CA2: variants seen among roughly 807,000 people sequenced by gnomAD.
CA2 encodes the protein carbonate dehydratase II.
Under a neutral mutation model 27.8 loss-of-function variants are expected in CA2, and 23 were observed. The observed-to-expected ratio is 0.83, with a 90% CI of 0.59 to 1.17. The LOEUF (loss-of-function observed/expected upper bound fraction) is 1.17. CA2 is among the 50% of genes most tolerant of loss of function. The pLI, the probability that CA2 is intolerant of heterozygous loss-of-function variation, is 0.00. For missense variants in CA2, 300 were observed against 314.7 expected, an observed-to-expected ratio of 0.95 and a Z score of 0.35; for synonymous variants, 99 against 114.9, an observed-to-expected ratio of 0.86 and a Z score of 0.88.
intron 3 of CA2, chr8:85,474,034 A>G: frequency 8.2e-6 from 5 of 607,192 alleles, no homozygotes; most frequent in Middle Eastern, 8.8e-4. Flanking sequence ...CAAAAAGTAA[A>G]CGGACTCAAA....
intron 3 of CA2, 103 bp downstream of exon 3, chr8:85,473,914 G>A: frequency 2.6e-6 from 2 of 778,338 alleles, no homozygotes; most frequent in Non-Finnish European, 4.6e-6. Flanking sequence ...CACGCCCAGT[G>A]AACCACTTCT....
chr8:85,470,325 T>A (rs1811695767), intron 2 of CA2, among the ~76,000 whole-genome samples: 1 of 152,184 alleles, frequency 6.6e-6, no homozygotes, highest in Non-Finnish European at 1.5e-5. Context: ...GATTTAAAAT[T>A]TTTCAGGTTA....
intron 6 of CA2, among the ~76,000 whole-genome samples, chr8:85,478,331 TA>T (rs1316046614): frequency 6.6e-6 from 1 of 152,212 alleles, no homozygotes; most frequent in Non-Finnish European, 1.5e-5. Flanking sequence ...AAAGTGGGCC[TA>T]AAAAATAGCA....
chr8:85,477,504 A>G (rs1462045673), intron 6 of CA2, among the ~76,000 whole-genome samples: 4 of 151,778 alleles, frequency 2.6e-5, no homozygotes, highest in African/African-American at 9.7e-5. Context: ...TAGTCATTGT[A>G]AGGATTCAAT....
rs369728882 is a variant in CA2, at chr8:85,475,129, A to G, written c.445-669A>G. 1.7e-4 allele frequency among the ~76,000 whole-genome samples: 26 copies of G among 152,250 alleles called. No individual in the cohort carries two copies. In the South Asian group the frequency reaches 3.3e-3, roughly 19 times the overall value. On this transcript the variant is annotated intron_variant, in intron 4 of 6. Coordinates refer to ENST00000285379, the MANE Select transcript of CA2 (RefSeq NM_000067.3). Reference sequence around the variant, plus strand: ...TCAAGACCAGCCTGGGCAACATAGCACAATTCCATCTCTACAAAATTTTTT... The same window carrying G: ...TCAAGACCAGCCTGGGCAACATAGCGCAATTCCATCTCTACAAAATTTTTT...
In CA2 at chr8:85,481,193, C is replaced by T. The variant is rs1389120087; in HGVS notation, c.*404C>T. 1.1e-5 allele frequency: 2 copies of T among 181,446 alleles called. No individual in the cohort carries two copies. The highest frequency in any genetic ancestry group is 2.4e-5 in the Non-Finnish European group (2 of 84,334). The allele number at this position is 181,446 out of a possible 1,614,324, so 11.2% of individuals were successfully genotyped here. On this transcript the variant is annotated 3_prime_UTR_variant, in exon 7 of 7. Transcript: ENST00000285379. ...ATAAATTGAGCTAGTTAAGGCAAATCAGGTAAAATAGTCATGATTCTATGT... is the reference window on the plus strand; with the variant it reads ...ATAAATTGAGCTAGTTAAGGCAAATTAGGTAAAATAGTCATGATTCTATGT...
At position 85,474,247 on chromosome 8, in the gene CA2, G is replaced by A. The variant is rs1811753278; in HGVS notation, c.352-77G>A. Reference sequence around the variant, plus strand: ...ATTTCCTGAGTAACCTTTATTGTGAGAAAAAGACCATTGAATAAAATCTGT... The same window carrying A: ...ATTTCCTGAGTAACCTTTATTGTGAAAAAAAGACCATTGAATAAAATCTGT... On this transcript the variant is annotated intron_variant, in intron 3 of 6. Coordinates refer to ENST00000285379, the MANE Select transcript of CA2 (RefSeq NM_000067.3). The A allele has an allele frequency of 3.8e-6, 4 of 1,056,954 alleles. No homozygotes were observed. In the Admixed American group the frequency reaches 5.1e-5, roughly 13 times the overall value. The allele number at this position is 1,056,954 out of a possible 1,614,324, so 65.5% of individuals were successfully genotyped here. A position where few individuals can be genotyped will look rare whatever the true frequency, so the allele number is the denominator to read the frequency against.
intron 2 of CA2, among the ~76,000 whole-genome samples, chr8:85,470,206 T>C (rs1811694064): frequency 1.3e-5 from 2 of 152,218 alleles, no homozygotes; most frequent in African/African-American, 2.4e-5. Flanking sequence ...AAACATCTTA[T>C]TGCTTTAAAA....
intron 1 of CA2, 94 bp downstream of exon 1, chr8:85,464,209 G>T (rs1811582004): frequency 8.5e-7 from 1 of 1,177,992 alleles, no homozygotes; most frequent in East Asian, 2.9e-5. Flanking sequence ...GGCCCGCAGC[G>T]CCCGCACATG....
intron 3 of CA2, chr8:85,474,036 G>A (rs530596338): frequency 5.0e-6 from 3 of 605,400 alleles, no homozygotes; most frequent in East Asian, 5.6e-5. Context: ...AAAAGTAAAC[G>A]GACTCAAACT....
In CA2 at chr8:85,465,453, C is replaced by T. The variant is rs777749648; in HGVS notation, c.216C>T (p.Asp72=). The change falls in exon 2 of 7, where the codon GAC becomes GAT. Residue 72 remains aspartate, a synonymous_variant. Transcript: ENST00000285379. The stretch of plus-strand genomic sequence containing the variant: ...ATGCTTTCAACGTGGAGTTTGATGA[C>T]TCTCAGGACAAAGCAGGTCAGTGTT... The part of the protein sequence containing the change: ...NGHAFNVEFD[D]SQDKAVLKGG... 1.9e-6 allele frequency: 3 copies of T among 1,613,976 alleles called. No individual in the cohort carries two copies. Among genetic ancestry groups the T allele is most frequent in the Non-Finnish European group, 1.7e-6 (2 of 1,179,864 alleles).
rs1449472755 is a variant in CA2, at chr8:85,481,129, A to G, written c.*340A>G. The G allele has an allele frequency of 1.4e-5, 4 of 293,426 alleles. No homozygotes were observed. The highest frequency in any genetic ancestry group is 2.2e-5 in the African/African-American group (1 of 46,200). The allele number at this position is 293,426 out of a possible 1,614,324, so 18.2% of individuals were successfully genotyped here. A position where few individuals can be genotyped will look rare whatever the true frequency, so the allele number is the denominator to read the frequency against. On this transcript the variant is annotated 3_prime_UTR_variant, in exon 7 of 7. Transcript: ENST00000285379. ...GACTAAAATGCTGCTTTTAAAACAT[A>G]GGAAAGTAGAATGGTTGAGTGCAAA...
In CA2 at chr8:85,465,266, C is replaced by A; in HGVS notation, c.35-6C>A. 6.2e-7 allele frequency: 1 copy of A among 1,612,888 alleles called. No homozygotes were observed. Among genetic ancestry groups the A allele is most frequent in the Non-Finnish European group, 8.5e-7 (1 of 1,178,876 alleles). Reference sequence around the variant, plus strand: ...ATGGGGGATTCACATGTCTTCTTTCCCCCAGGACCTGAGCACTGGCATAAG... The same window carrying A: ...ATGGGGGATTCACATGTCTTCTTTCACCCAGGACCTGAGCACTGGCATAAG... On this transcript the variant is annotated splice_polypyrimidine_tract_variant and splice_region_variant and intron_variant, in intron 1 of 6. Transcript: ENST00000285379.
At chr8:85,474,205 AATTATCCAT>A in intron 3 of CA2, 110 bp from the exon 4 acceptor site, 1 of 825,086 alleles carries the variant, frequency 1.2e-6, no homozygotes, top group South Asian at 1.4e-5. Context: ...TTTGATTTAA[AATTATCCAT>A]ATTTTCAATT....
At chr8:85,474,679 G>GTGTT (rs770737049) in intron 4 of CA2, 4 of 466,626 alleles carry the variant, frequency 8.6e-6, no homozygotes, top group South Asian at 8.4e-5. Flanking sequence ...TGACTGCTAG[G>GTGTT]TGTTTGTTTG....
rs1216515892 is a variant in CA2 at position 85,477,201 on chromosome 8, C to T, written c.589C>T (p.Leu197=). 1.2e-6 allele frequency: 2 copies of T among 1,614,028 alleles called. No individual in the cohort carries two copies. The highest frequency in any genetic ancestry group is 2.7e-5 in the African/African-American group (2 of 74,930). ...GGATTACTGGACCTACCCAGGCTCA[C>T]TGACCACCCCTCCTCTTCTGGAATG... ...SLDYWTYPGS[L]TTPPLLECVT... is the part of the protein sequence containing the mutation. Residue 197 remains leucine, a synonymous_variant, in exon 6 of 7, where the codon CTG becomes TTG. Transcript: ENST00000285379.
At chr8:85,480,585 G>A (rs560228731) in intron 6 of CA2, 85 bp from the exon 7 acceptor site, 2 of 1,390,496 alleles carry the variant, frequency 1.4e-6, no homozygotes, top group Admixed American at 1.7e-5. Context: ...GCCTGGCCGG[G>A]GAATGTATTT....
intron 2 of CA2, among the ~76,000 whole-genome samples, chr8:85,466,158 GA>G (rs971825655): frequency 4.2e-5 from 6 of 142,550 alleles, no homozygotes; most frequent in East Asian, 2.0e-4. Flanking sequence ...AGAGAAAGAA[GA>G]AAAAAAATCC....
At chr8:85,471,756 T>A (rs1811716010) in intron 2 of CA2, among the ~76,000 whole-genome samples, 1 of 151,900 alleles carries the variant, frequency 6.6e-6, no homozygotes, top group Non-Finnish European at 1.5e-5. Flanking sequence ...TATTAATTTA[T>A]TTCATAAACA....
Sources: allele counts gnomAD v4.1 joint callset (sites outside exome capture counted in the v4.1 genomes callset), GRCh38; gene constraint gnomAD v4.1.1; transcripts MANE v1.5; gene names NCBI Gene and HGNC (gene_info 2026-07-23, HGNC 2026-07-21).